The following LDLRAD3 variants were observed in gnomAD, a reference collection of about 807,000 sequenced individuals.
LDLRAD3 encodes low-density lipoprotein receptor class A domain-containing protein 3.
In LDLRAD3, 20 loss-of-function variants were observed where a neutral mutation model predicts 29.4. The ratio of observed to expected loss-of-function variants is 0.68; its 90% CI spans 0.48 to 0.99. The LOEUF (loss-of-function observed/expected upper bound fraction) is 0.99, where lower values mean the gene tolerates loss of function less well. LDLRAD3 is among the 50% of genes least tolerant of loss of function. The pLI, the probability that LDLRAD3 is intolerant of heterozygous loss-of-function variation, is 0.00. For synonymous variants in LDLRAD3, 157 were observed against 192.7 expected, an observed-to-expected ratio of 0.81 and a Z score of 1.53; for missense variants, 420 against 454.3, an observed-to-expected ratio of 0.92 and a Z score of 0.69.
At chr11:36,044,699 C>T (rs1309219189) in intron 2 of LDLRAD3, among the ~76,000 whole-genome samples, 1 of 152,190 alleles carries the variant, frequency 6.6e-6, no homozygotes, top group Non-Finnish European at 1.5e-5. Flanking sequence ...GCCAGATGCC[C>T]AAACTGGTGC....
intron 4 of LDLRAD3, among the ~76,000 whole-genome samples, chr11:36,123,301 A>T (rs928618738): frequency 6.6e-6 from 1 of 152,264 alleles, no homozygotes; most frequent in African/African-American, 2.4e-5. Context: ...GATGTGTGCA[A>T]CACAAGAGTT....
At position 36,227,198 on chromosome 11, in the gene LDLRAD3, C is replaced by T. The variant is rs778070333; in HGVS notation, c.568C>T (p.Leu190=). 2 of 1,614,186 alleles carry T rather than the reference C, an allele frequency of 1.2e-6. No individual in the cohort carries two copies. Among genetic ancestry groups the T allele is most frequent in the Non-Finnish European group, 1.7e-6 (2 of 1,180,024 alleles). Residue 190 remains leucine, a synonymous_variant, in exon 5 of 6, where the codon CTG becomes TTG. Transcript: ENST00000315571. ...SVIFVLVVAL[L]ALVLHHQRKR... is the part of the protein sequence containing the mutation. ...CATTTTTGTGCTGGTGGTGGCCCTG[C>T]TGGCACTGGTCTTGCACCACCAGCG...
intron 4 of LDLRAD3, among the ~76,000 whole-genome samples, chr11:36,101,582 A>G (rs767577847): frequency 6.6e-6 from 1 of 152,152 alleles, no homozygotes; most frequent in Non-Finnish European, 1.5e-5. Flanking sequence ...GTGAGATGGG[A>G]GACAGATCTG....
chr11:36,213,869 C>T lies in LDLRAD3; in HGVS notation c.455-13216C>T, dbSNP rs1822899358. ...TTTCTCTTCTCTGCCATTCAGCACT[C>T]CCAAGGCCCGTTTTAATCTAGTGTG... On this transcript the variant is annotated intron_variant, in intron 4 of 5. Transcript: ENST00000315571. This position sits in a 1 kb window ranked among gnomAD's most constrained non-coding sequence, Gnocchi z 4.1. Among the ~76,000 whole-genome samples the T allele has an allele frequency of 1.3e-5, 2 of 152,184 alleles. No individual in the cohort carries two copies. The highest frequency in any genetic ancestry group is 4.8e-5 in the African/African-American group (2 of 41,446).
At chr11:36,067,893 C>G (rs1852822726) in intron 2 of LDLRAD3, among the ~76,000 whole-genome samples, 1 of 152,060 alleles carries the variant, frequency 6.6e-6, no homozygotes, top group African/African-American at 2.4e-5. Flanking sequence ...TGGTCTTGAA[C>G]TCTGAGTTCA....
chr11:36,144,858 G>T (rs1436550817), intron 4 of LDLRAD3, among the ~76,000 whole-genome samples: 2 of 111,560 alleles, frequency 1.8e-5, no homozygotes, highest in Non-Finnish European at 3.9e-5. Context: ...GAGGTGGGGG[G>T]GTCAGCCCCC....
intron 1 of LDLRAD3, among the ~76,000 whole-genome samples, chr11:36,022,200 C>T (rs1376475519): frequency 6.6e-6 from 1 of 152,220 alleles, no homozygotes; most frequent in Non-Finnish European, 1.5e-5. Context: ...TTTTACACTT[C>T]AGATCACCCT....
chr11:36,048,287 G>A (rs186026195), intron 2 of LDLRAD3, among the ~76,000 whole-genome samples: 125 of 152,314 alleles, frequency 8.2e-4, no homozygotes, highest in Non-Finnish European at 1.5e-3. Flanking sequence ...GGAATCCAGG[G>A]ATCTCTTGAT....
intron 4 of LDLRAD3, among the ~76,000 whole-genome samples, chr11:36,103,172 C>T (rs1329760854): frequency 6.6e-6 from 1 of 151,510 alleles, no homozygotes; most frequent in Non-Finnish European, 1.5e-5. Context: ...CATCATTCTA[C>T]TTCTATCTTC....
intron 4 of LDLRAD3, among the ~76,000 whole-genome samples, chr11:36,186,810 C>T (rs868425074): frequency 3.9e-5 from 6 of 152,168 alleles, no homozygotes; most frequent in African/African-American, 1.4e-4. Context: ...AATGAGCCCC[C>T]CTGTGGGTTA....
chr11:36,149,475 A>G (rs1197023964), intron 4 of LDLRAD3, among the ~76,000 whole-genome samples: 1 of 152,160 alleles, frequency 6.6e-6, no homozygotes, highest in Non-Finnish European at 1.5e-5. Context: ...AGGCCCCAGA[A>G]AGACAAATGA....
chr11:35,944,329 AGCCGTCCTATTGTGTGGGCGTGCGC>A lies in LDLRAD3; in HGVS notation c.46+190_46+214del, dbSNP rs1357245186. 1.3e-5 allele frequency among the ~76,000 whole-genome samples: 2 copies of A among 151,354 alleles called. No individual in the cohort carries two copies. Among genetic ancestry groups the A allele is most frequent in the African/African-American group, 4.9e-5 (2 of 41,182 alleles). ...TGCCGAGGGGCCGCCGCGGGGTGCG[AGCCGTCCTATTGTGTGGGCGTGCGC>A]GCCGGGTCGTGTTGTGCTGTGTGCG... On this transcript the variant is annotated intron_variant, in intron 1 of 5. Transcript: ENST00000315571. The surrounding 1 kb of genome is among the most constrained non-coding windows in gnomAD (Gnocchi z 4.9).
rs536557594 is a variant in LDLRAD3, at chr11:35,976,075, C to G, written c.46+31931C>G. ...TGAGGGGTGGAGGGGTCTCATTTTCCTAGGAGTGTAGGGTGCTGAAAGGAA... is the reference window on the plus strand; with the variant it reads ...TGAGGGGTGGAGGGGTCTCATTTTCGTAGGAGTGTAGGGTGCTGAAAGGAA... On this transcript the variant is annotated intron_variant, in intron 1 of 5. Coordinates refer to ENST00000315571, the MANE Select transcript of LDLRAD3 (RefSeq NM_174902.4). Among the ~76,000 whole-genome samples the G allele has an allele frequency of 4.6e-5, 7 of 151,960 alleles. No individual in the cohort carries two copies. The East Asian group carries it at 1.4e-3, about 29-fold the overall frequency.
In LDLRAD3 at chr11:36,229,611, T is replaced by TTTTTTAATGATA; in HGVS notation, c.*214_*215insTTTTTAATGATA. ...CATGATCTGTTGTGCGTCTTTTCTG[T>TTTTTTAATGATA]CAGGTCACTCTTCCCTTGGGACCCG... On this transcript the variant is annotated 3_prime_UTR_variant, in exon 6 of 6. Coordinates refer to ENST00000315571, the MANE Select transcript of LDLRAD3 (RefSeq NM_174902.4). The TTTTTTAATGATA allele has an allele frequency of 1.9e-6, 1 of 524,670 alleles. No homozygotes were observed. The highest frequency in any genetic ancestry group is 3.3e-5 in the South Asian group (1 of 29,852). The allele number at this position is 524,670 out of a possible 1,614,324, so 32.5% of individuals were successfully genotyped here. A position where few individuals can be genotyped will look rare whatever the true frequency, so the allele number is the denominator to read the frequency against.
chr11:35,990,571 G>A (rs1851675233), intron 1 of LDLRAD3, among the ~76,000 whole-genome samples: 1 of 128,414 alleles, frequency 7.8e-6, no homozygotes, highest in African/African-American at 3.5e-5. Context: ...GTGCATGCCA[G>A]CTAATTTTTG....
At chr11:36,130,442 GCGTGAGGCCATC>G (rs1853908942) in intron 4 of LDLRAD3, among the ~76,000 whole-genome samples, 2 of 152,194 alleles carry the variant, frequency 1.3e-5, no homozygotes, top group Admixed American at 6.5e-5. Flanking sequence ...CCTCAGGACA[GCGTGAGGCCATC>G]AAAAGGTTCG....
At chr11:36,160,661 C>T (rs1034190093) in intron 4 of LDLRAD3, among the ~76,000 whole-genome samples, 16 of 151,770 alleles carry the variant, frequency 1.1e-4, no homozygotes, top group African/African-American at 3.4e-4. Context: ...TCATAGGTAT[C>T]GTTTACCCTT....
chr11:35,968,686 G>A (rs1364841225), intron 1 of LDLRAD3: 1 of 155,918 alleles, frequency 6.4e-6, no homozygotes, highest in African/African-American at 2.4e-5. Context: ...CAGTTTTAAT[G>A]TTTTAATTTA....
chr11:36,117,828 A>G (rs770357674), intron 4 of LDLRAD3, among the ~76,000 whole-genome samples: 33 of 152,372 alleles, frequency 2.2e-4, no homozygotes, highest in African/African-American at 7.7e-4. Context: ...AATTCAGATT[A>G]TTATGTAAGA....
Sources: gnomAD v4.1 joint callset for allele counts (sites outside exome capture counted in the v4.1 genomes callset) on GRCh38, gnomAD v4.1.1 for gene constraint, Gnocchi (gnomAD v3.1) non-coding constraint, MANE v1.5 for transcripts, NCBI Gene and HGNC (gene_info 2026-07-23, HGNC 2026-07-21) for gene names.